Variants in DAB2 observed in about 807,000 individuals in gnomAD.
DAB2 encodes the protein disabled homolog 2.
DAB2 carries 28 observed loss-of-function variants against 71.6 expected under a neutral mutation model. The ratio of observed to expected loss-of-function variants is 0.39; its 90% confidence interval spans 0.29 to 0.54. The LOEUF is 0.54. Among genes scored for constraint, DAB2 ranks in the 20% least tolerant of loss-of-function variants. The pLI is 0.68. For synonymous variants in DAB2, 345 were observed against 339.7 expected, an observed-to-expected ratio of 1.02 and a Z score of -0.17; for missense variants, 867 against 928.8, an observed-to-expected ratio of 0.93 and a Z score of 0.86.
chr5:39,393,688 GT>G (rs34489272), intron 2 of DAB2, among the ~76,000 whole-genome samples: 33,583 of 151,630 alleles, frequency 0.22, 3,848 homozygotes, highest in Admixed American at 0.28. Flanking sequence ...TTTCATCATA[GT>G]TTTTTTTAAG....
intron 4 of DAB2, among the ~76,000 whole-genome samples, chr5:39,391,707 G>T (rs999142167): frequency 6.6e-6 from 1 of 152,088 alleles, no homozygotes; most frequent in African/African-American, 2.4e-5. Context: ...CTTGATGTAT[G>T]ATAAATAGCT....
chr5:39,381,713 C>T, intron 10 of DAB2, 97 bp from the exon 11 acceptor site: 1 of 1,374,674 alleles, frequency 7.3e-7, no homozygotes, highest in Admixed American at 2.3e-5. Flanking sequence ...ATTTGAGAGC[C>T]ACAAAAAGGA....
chr5:39,409,499 C>G (rs529001089), intron 1 of DAB2, among the ~76,000 whole-genome samples: 4 of 152,292 alleles, frequency 2.6e-5, no homozygotes, highest in African/African-American at 9.6e-5. Flanking sequence ...AAAACACCGA[C>G]TTAATATCAG....
chr5:39,391,459 G>A (rs1229751691), intron 4 of DAB2, among the ~76,000 whole-genome samples: 2 of 152,094 alleles, frequency 1.3e-5, no homozygotes, highest in Non-Finnish European at 2.9e-5. Context: ...TAAAGAGAGT[G>A]GTGCCTGAGG....
chr5:39,393,430 G>A, intron 2 of DAB2, 37 bp from the exon 3 acceptor site: 1 of 1,609,388 alleles, frequency 6.2e-7, no homozygotes, highest in Non-Finnish European at 8.5e-7. Flanking sequence ...AAGAATGCTA[G>A]TTCTAATTAT....
rs756369032 is a variant in DAB2, at chr5:39,390,512, G to T, written c.394C>A (p.Arg132=). Residue 132 remains arginine, a synonymous_variant, in exon 5 of 15, where the codon CGG becomes AGG. Transcript: ENST00000320816. ...SFIARDVTDN[R]AFGYVCGGEG... The stretch of plus-strand genomic sequence containing the variant: ...CCTCCACACACGTAACCAAATGCCC[G>T]GTTGTCTGTCACATCACGGGCAATG... The T allele has an allele frequency of 6.2e-7, 1 of 1,613,884 alleles. No homozygotes were observed. Among genetic ancestry groups the T allele is most frequent in the Non-Finnish European group, 8.5e-7 (1 of 1,179,912 alleles).
At position 39,376,748 on chromosome 5, in the gene DAB2, C is replaced by T. The variant is rs1338544359; in HGVS notation, c.2039G>A (p.Ser680Asn). The T allele has an allele frequency of 1.9e-6, 3 of 1,614,024 alleles. No homozygotes were observed. The African/African-American group carries it at 4.0e-5, about 22-fold the overall frequency. The change falls in exon 12 of 15, where the codon AGT becomes AAT. Residue 680 changes from serine to asparagine, a missense_variant. By Grantham distance (46) the Ser-to-Asn change is conservative. Around this residue, in one of 2 missense-constraint regions of DAB2, gnomAD observed 740 missense variants for 734.3 expected, o/e 1.01. Coordinates refer to ENST00000320816, the MANE Select transcript of DAB2 (RefSeq NM_001343.4). Reference protein sequence around the residue: ...KGEQTSSGTLSAFASYFNSKV... With the variant: ...KGEQTSSGTLNAFASYFNSKV... Reference sequence around the variant, plus strand: ...GCTGTTGAAATAACTGGCAAAGGCACTCAAAGTCCCAGAAGAAGTCTGCTC... The same window carrying T: ...GCTGTTGAAATAACTGGCAAAGGCATTCAAAGTCCCAGAAGAAGTCTGCTC...
At chr5:39,384,388 T>G (rs1755049410) in intron 9 of DAB2, among the ~76,000 whole-genome samples, 1 of 152,252 alleles carries the variant, frequency 6.6e-6, no homozygotes, top group African/African-American at 2.4e-5. Flanking sequence ...AAAAGTTATT[T>G]GAATGTGGTC....
chr5:39,423,078 T>G (rs1756026414), intron 1 of DAB2, among the ~76,000 whole-genome samples: 1 of 152,168 alleles, frequency 6.6e-6, no homozygotes, highest in Non-Finnish European at 1.5e-5. Context: ...CTTATTCTGG[T>G]TATACATTAA....
Position 39,375,167 on chromosome 5 carries a change from T to C in DAB2, c.2248-83A>G, listed in dbSNP as rs1024104193. On this transcript the variant is annotated intron_variant, in intron 13 of 14. Transcript: ENST00000320816. ...GCAATGAAGACTTCCAAAATTCTTTTAAAAATCGCTTAGGTCATAGGCCAA... is the reference window on the plus strand; with the variant it reads ...GCAATGAAGACTTCCAAAATTCTTTCAAAAATCGCTTAGGTCATAGGCCAA... 246 of 1,005,836 alleles carry C rather than the reference T, an allele frequency of 2.4e-4. 5 individuals are homozygous for C. Among genetic ancestry groups the C allele is most frequent in the Non-Finnish European group, 5.4e-5 (35 of 646,000 alleles). The allele number at this position is 1,005,836 out of a possible 1,614,324, so 62.3% of individuals were successfully genotyped here.
chr5:39,381,941 G>C (rs1033909032), intron 10 of DAB2, among the ~76,000 whole-genome samples: 2 of 152,256 alleles, frequency 1.3e-5, no homozygotes, highest in Admixed American at 6.5e-5. Flanking sequence ...GTGTGTAAAA[G>C]GGGCAACTAC....
At chr5:39,396,810 C>A (rs1474945619) in intron 1 of DAB2, among the ~76,000 whole-genome samples, 2 of 152,096 alleles carry the variant, frequency 1.3e-5, no homozygotes, top group Non-Finnish European at 2.9e-5. Flanking sequence ...GACAGTTGCA[C>A]CTTTTTAGAT....
chr5:39,378,220 G>T (rs754612754), intron 11 of DAB2, among the ~76,000 whole-genome samples: 14 of 152,174 alleles, frequency 9.2e-5, no homozygotes, highest in Non-Finnish European at 1.6e-4. Flanking sequence ...TCCAATGATG[G>T]CCTCTGATTC....
At chr5:39,424,470 TACACACACACACAC>T (rs56974213) in intron 1 of DAB2, among the ~76,000 whole-genome samples, 8,968 of 134,508 alleles carry the variant, frequency 0.067, 354 homozygotes, top group Admixed American at 0.11. Flanking sequence ...GCAGACCTTT[TACACACACACACAC>T]ACACACACAC....
intron 8 of DAB2, 144 bp from the exon 9 acceptor site, chr5:39,388,511 TTTAG>T (rs1755149418): frequency 1.5e-6 from 1 of 680,352 alleles, no homozygotes; most frequent in Admixed American, 2.7e-5. Flanking sequence ...TATTAAGCTG[TTTAG>T]GTCAGGAAGT....
chr5:39,390,801 AT>A, intron 4 of DAB2, among the ~76,000 whole-genome samples: 1 of 152,358 alleles, frequency 6.6e-6, no homozygotes, highest in African/African-American at 2.4e-5. Flanking sequence ...CCTTCTTAAA[AT>A]ATTGATACTT....
intron 1 of DAB2, among the ~76,000 whole-genome samples, chr5:39,396,146 A>C (rs1274440180): frequency 4.0e-5 from 6 of 151,884 alleles, no homozygotes; most frequent in African/African-American, 1.5e-4. Flanking sequence ...ACGGAGTTTC[A>C]CCATGTTGGT....
chr5:39,395,736 T>C (rs184097523), intron 1 of DAB2, among the ~76,000 whole-genome samples: 1 of 152,238 alleles, frequency 6.6e-6, no homozygotes, highest in East Asian at 1.9e-4. Flanking sequence ...ACCTGGCTGG[T>C]TGGCAACCAG....
chr5:39,390,375 T>C, intron 5 of DAB2, 69 bp downstream of exon 5: 1 of 1,518,842 alleles, frequency 6.6e-7, no homozygotes, highest in South Asian at 1.3e-5. Flanking sequence ...AATCTTTTAG[T>C]TGAGTGACAG....
Sources: gnomAD v4.1 joint callset for allele counts (sites outside exome capture counted in the v4.1 genomes callset) on GRCh38, gnomAD v4.1.1 for gene constraint, gnomAD v4.1.1 regional missense constraint, MANE v1.5 for transcripts, NCBI Gene and HGNC (gene_info 2026-07-23, HGNC 2026-07-21) for gene names.